NCALD: variants seen among roughly 807,000 people sequenced by gnomAD.
NCALD encodes neurocalcin-delta.
Under a neutral mutation model 18.6 loss-of-function variants are expected in NCALD, and 10 were observed. That is an observed-to-expected ratio of 0.54 (90% CI 0.33 to 0.91). The LOEUF is 0.91. Ranked by LOEUF, NCALD falls within the 40% of genes least tolerant of loss-of-function variation. The pLI is 0.03. For missense variants in NCALD, 184 were observed against 247.6 expected (o/e 0.74, Z 1.72); for synonymous variants, 88 against 87.4 (o/e 1.01, Z -0.04).
chr8:102,032,018 C>T lies in NCALD; in HGVS notation c.-209-11729G>A, dbSNP rs1442475833. Among the ~76,000 whole-genome samples the T allele has an allele frequency of 2.6e-5, 4 of 152,232 alleles. No individual in the cohort carries two copies. In the East Asian group the frequency reaches 7.7e-4, roughly 29 times the overall value. On this transcript the variant is annotated intron_variant, in intron 1 of 6. Coordinates refer to the NCALD transcript ENST00000311028. ...CTCTGAGTAACAGCTGCTGATTTTT[C>T]CCCTTGAAAGTATATTCTCAGGCTC...
chr8:101,906,170 C>T (rs978045069), intron 3 of NCALD, among the ~76,000 whole-genome samples: 6 of 152,224 alleles, frequency 3.9e-5, no homozygotes, highest in Non-Finnish European at 5.9e-5. Flanking sequence ...ACACAGACCA[C>T]ACCTGCTGCT....
intron 2 of NCALD, among the ~76,000 whole-genome samples, chr8:101,705,021 C>T (rs893287151): frequency 2.0e-5 from 3 of 151,302 alleles, no homozygotes; most frequent in Non-Finnish European, 2.9e-5. Flanking sequence ...GTTAGGAGTT[C>T]GAGACGACCA....
intron 2 of NCALD, chr8:101,975,190 A>G (rs1820377449): frequency 6.6e-6 from 1 of 152,190 alleles, no homozygotes; most frequent in Non-Finnish European, 1.5e-5. Flanking sequence ...ATTTTACAGG[A>G]CTATTTGAAA....
At chr8:102,087,692 C>T (rs55694001) in intron 1 of NCALD, among the ~76,000 whole-genome samples, 3,938 of 152,206 alleles carry the variant, frequency 0.026, 135 homozygotes, top group East Asian at 0.13. Context: ...TCTTTGCTGA[C>T]GGCTATGGGT....
intron 1 of NCALD, among the ~76,000 whole-genome samples, chr8:101,726,877 G>A (rs1350006066): frequency 3.3e-5 from 5 of 152,166 alleles, no homozygotes; most frequent in African/African-American, 1.2e-4. Flanking sequence ...CCAGATGACA[G>A]CACCAAAGAA....
intron 1 of NCALD, among the ~76,000 whole-genome samples, chr8:101,786,491 A>G (rs1306602776): frequency 6.6e-6 from 1 of 152,148 alleles, no homozygotes; most frequent in Admixed American, 6.6e-5. Context: ...TTGATCTCCA[A>G]CGATATTGTA....
chr8:102,027,115 AG>A lies in NCALD; in HGVS notation c.-209-6827del, dbSNP rs1395958237. ...CCTAGGCATCCAGGCCTTTGATGGC[AG>A]GGGCTGCTGTGAAGGTCTCTGACAT... On this transcript the variant is annotated intron_variant, in intron 1 of 6. Transcript: ENST00000311028. Among the ~76,000 whole-genome samples the A allele has an allele frequency of 2.6e-5, 4 of 152,328 alleles. No homozygotes were observed. The East Asian group carries it at 7.7e-4, about 29-fold the overall frequency.
At chr8:101,918,740 CCACA>C (rs34480976) in intron 2 of NCALD, among the ~76,000 whole-genome samples, 1,024 of 140,692 alleles carry the variant, frequency 7.3e-3, no homozygotes, top group Middle Eastern at 0.014. Context: ...TTTACAATAG[CCACA>C]CACACACACA....
intron 3 of NCALD, among the ~76,000 whole-genome samples, chr8:101,901,803 T>G (rs1163174200): frequency 6.6e-6 from 1 of 152,124 alleles, no homozygotes. Context: ...CTCTTCTTTT[T>G]TTTTTGAGAT....
chr8:101,932,826 T>C (rs1347482918), intron 2 of NCALD, among the ~76,000 whole-genome samples: 1 of 152,132 alleles, frequency 6.6e-6, no homozygotes, highest in East Asian at 1.9e-4. Flanking sequence ...ATCTAACAAG[T>C]TAGTTAGCTA....
intron 1 of NCALD, among the ~76,000 whole-genome samples, chr8:102,092,058 G>A (rs543974494): frequency 3.3e-5 from 5 of 152,314 alleles, no homozygotes; most frequent in African/African-American, 9.6e-5. Flanking sequence ...TAAGTCACAG[G>A]ATGAGATAGG....
chr8:101,824,484 T>A (rs556320746), intron 4 of NCALD, among the ~76,000 whole-genome samples: 70 of 152,256 alleles, frequency 4.6e-4, no homozygotes, highest in African/African-American at 1.3e-3. Flanking sequence ...ATTTTATTTT[T>A]TTTTTTGGCT....
At chr8:102,084,874 T>C (rs1195812561) in intron 1 of NCALD, among the ~76,000 whole-genome samples, 1 of 152,222 alleles carries the variant, frequency 6.6e-6, no homozygotes, top group East Asian at 1.9e-4. Context: ...AACAACTCCC[T>C]GACCATCACC....
chr8:102,002,899 G>A (rs1031160160), intron 2 of NCALD, among the ~76,000 whole-genome samples: 9 of 151,998 alleles, frequency 5.9e-5, no homozygotes, highest in African/African-American at 2.2e-4. Context: ...GAAATTTAGA[G>A]CACTAAGGGC....
intron 4 of NCALD, chr8:101,872,670 C>A: frequency 2.7e-6 from 1 of 370,356 alleles, no homozygotes; most frequent in Non-Finnish European, 5.1e-6. Context: ...AAATCTATAC[C>A]ATGATAAAGG....
intron 1 of NCALD, among the ~76,000 whole-genome samples, chr8:102,081,469 C>T (rs1479220568): frequency 7.0e-6 from 1 of 142,452 alleles, no homozygotes; most frequent in African/African-American, 2.5e-5. Flanking sequence ...GTGGCACAAA[C>T]GGGCCCTGGG....
At chr8:101,730,007 G>A (rs549702608) in intron 1 of NCALD, among the ~76,000 whole-genome samples, 1 of 152,110 alleles carries the variant, frequency 6.6e-6, no homozygotes, top group South Asian at 2.1e-4. Flanking sequence ...AGTAATAAAG[G>A]GATGTAAAAA....
chr8:101,985,016 A>G (rs1324588857), intron 2 of NCALD, among the ~76,000 whole-genome samples: 1 of 152,158 alleles, frequency 6.6e-6, no homozygotes, highest in Non-Finnish European at 1.5e-5. Context: ...ATTTTAAAGA[A>G]CTATGTAGCT....
Position 102,096,997 on chromosome 8 carries a change from G to A in NCALD, c.-210+27240C>T, listed in dbSNP as rs568603845. Among the ~76,000 whole-genome samples, 14 of 152,232 alleles carry A rather than the reference G, an allele frequency of 9.2e-5. No homozygotes were observed. In the East Asian group the frequency reaches 2.7e-3, roughly 29 times the overall value. On this transcript the variant is annotated intron_variant, in intron 1 of 6. Transcript: ENST00000311028. ...ATAGTCACATTCTGAGGTACTGGGGGCCTAAGACTTCAACACAAGAATTTT... is the reference window on the plus strand; with the variant it reads ...ATAGTCACATTCTGAGGTACTGGGGACCTAAGACTTCAACACAAGAATTTT...
Sources: gnomAD v4.1 joint callset for allele counts (sites outside exome capture counted in the v4.1 genomes callset) on GRCh38, gnomAD v4.1.1 for gene constraint, MANE v1.5 for transcripts, NCBI Gene and HGNC (gene_info 2026-07-23, HGNC 2026-07-21) for gene names.